CSMD1: variants seen among roughly 807,000 people sequenced by gnomAD.
CSMD1 encodes CUB and sushi domain-containing protein 1.
In CSMD1, 213 loss-of-function variants were observed where a neutral mutation model predicts 417.5. The observed-to-expected ratio is 0.51, with a 90% CI of 0.46 to 0.57. The LOEUF is 0.57. CSMD1 is among the 20% of genes least tolerant of loss of function. CSMD1 has a pLI of 0.00. For synonymous variants in CSMD1, 2,862 were observed against 1,736.8 expected (o/e 1.65, Z -16.11); for missense variants, 6,923 against 4,529.7 (o/e 1.53, Z -15.17).
intron 18 of CSMD1, among the ~76,000 whole-genome samples, chr8:3,370,202 T>A (rs1809860133): frequency 6.6e-6 from 1 of 152,206 alleles, no homozygotes; most frequent in South Asian, 2.1e-4. Flanking sequence ...AGGAGAATAT[T>A]GACACGTTCC....
chr8:4,296,418 C>T (rs920880041), intron 3 of CSMD1, among the ~76,000 whole-genome samples: 3 of 152,088 alleles, frequency 2.0e-5, no homozygotes, highest in Admixed American at 6.5e-5. Context: ...AGGGTTATCA[C>T]AAGAGTGTGA....
chr8:4,785,762 C>T (rs1797369878), intron 1 of CSMD1, among the ~76,000 whole-genome samples: 1 of 152,154 alleles, frequency 6.6e-6, no homozygotes, highest in Non-Finnish European at 1.5e-5. Flanking sequence ...AATAATAGTA[C>T]TTTTATTCTC....
intron 49 of CSMD1, among the ~76,000 whole-genome samples, chr8:3,065,111 G>A (rs1812835820): frequency 6.6e-6 from 1 of 151,884 alleles, no homozygotes; most frequent in African/African-American, 2.4e-5. Flanking sequence ...ATCTAAAGAA[G>A]AAATAAACCT....
At chr8:4,378,101 C>T (rs1802870824) in intron 3 of CSMD1, among the ~76,000 whole-genome samples, 2 of 152,210 alleles carry the variant, frequency 1.3e-5, no homozygotes, top group African/African-American at 2.4e-5. Context: ...ATGCAAAACA[C>T]AGAAGCCAAA....
At chr8:3,854,255 A>G (rs916640411) in intron 5 of CSMD1, among the ~76,000 whole-genome samples, 4 of 151,080 alleles carry the variant, frequency 2.6e-5, no homozygotes, top group Non-Finnish European at 5.9e-5. Context: ...GGAGTAATAC[A>G]TTTAACTCCA....
At chr8:4,057,204 G>C (rs905113047) in intron 3 of CSMD1, among the ~76,000 whole-genome samples, 1 of 152,114 alleles carries the variant, frequency 6.6e-6, no homozygotes, top group South Asian at 2.1e-4. Flanking sequence ...GTTGTTTCCT[G>C]ACTTTTTAAT....
Position 3,633,228 on chromosome 8 carries a change from A to G in CSMD1, c.1010-16431T>C, listed in dbSNP as rs540262032. ...AAATAAAACATAACTTAAAATGTCT[A>G]CATTGGATATAACATAAATTACTCT... is the stretch of plus-strand genomic sequence containing the variant. On this transcript the variant is annotated intron_variant, in intron 7 of 69. Transcript: ENST00000635120. 1.3e-4 allele frequency among the ~76,000 whole-genome samples: 20 copies of G among 152,370 alleles called. No homozygotes were observed. The East Asian group carries it at 3.7e-3, about 28-fold the overall frequency.
intron 2 of CSMD1, among the ~76,000 whole-genome samples, chr8:4,454,740 T>C (rs1007265922): frequency 6.6e-6 from 1 of 152,166 alleles, no homozygotes; most frequent in Non-Finnish European, 1.5e-5. Flanking sequence ...AAAACTATAC[T>C]CGTTTAGAAA....
intron 12 of CSMD1, among the ~76,000 whole-genome samples, chr8:3,460,295 G>C (rs563817030): frequency 6.6e-6 from 1 of 152,022 alleles, no homozygotes; most frequent in African/African-American, 2.4e-5. Flanking sequence ...GTAAAAGAGA[G>C]GAAAAAAGGA....
chr8:4,245,355 A>G (rs1632347), intron 3 of CSMD1, among the ~76,000 whole-genome samples: 113,896 of 152,084 alleles, frequency 0.75, 46,744 homozygotes, highest in Non-Finnish European at 0.92. Context: ...GGTGGGAGGA[A>G]AGATTGCAAG....
chr8:3,315,175 G>A (rs931066680), intron 23 of CSMD1, among the ~76,000 whole-genome samples: 2 of 152,154 alleles, frequency 1.3e-5, no homozygotes, highest in African/African-American at 4.8e-5. Flanking sequence ...AAAAGGGACA[G>A]TGTTTTCACA....
At chr8:4,803,944 A>C (rs528106105) in intron 1 of CSMD1, among the ~76,000 whole-genome samples, 1 of 152,334 alleles carries the variant, frequency 6.6e-6, no homozygotes, top group African/African-American at 2.4e-5. Context: ...ATGGGCATTC[A>C]TGCAAGACAA....
chr8:4,746,292 C>T (rs1163401853), intron 1 of CSMD1, among the ~76,000 whole-genome samples: 1 of 152,158 alleles, frequency 6.6e-6, no homozygotes, highest in Non-Finnish European at 1.5e-5. Context: ...GAGCCTGGTG[C>T]CCTTTTTGAA....
intron 3 of CSMD1, among the ~76,000 whole-genome samples, chr8:4,104,353 T>C (rs1801456339): frequency 6.6e-6 from 1 of 152,164 alleles, no homozygotes; most frequent in African/African-American, 2.4e-5. Context: ...GCATTAAGAC[T>C]GCACACTGTG....
At chr8:4,292,254 T>C (rs1361567901) in intron 3 of CSMD1, among the ~76,000 whole-genome samples, 1 of 152,038 alleles carries the variant, frequency 6.6e-6, no homozygotes, top group Non-Finnish European at 1.5e-5. Context: ...GTTGTTGTTG[T>C]TGTTTAGTTT....
intron 2 of CSMD1, among the ~76,000 whole-genome samples, chr8:4,591,451 C>A (rs1019556574): frequency 6.6e-6 from 1 of 152,262 alleles, no homozygotes; most frequent in South Asian, 2.1e-4. Context: ...AGCTGTTGAG[C>A]AAAAGCAAAT....
intron 2 of CSMD1, among the ~76,000 whole-genome samples, chr8:4,544,408 A>G (rs1234964442): frequency 6.6e-6 from 1 of 152,096 alleles, no homozygotes; most frequent in Non-Finnish European, 1.5e-5. Flanking sequence ...ATTAATAAAA[A>G]TTACAGTAGT....
intron 3 of CSMD1, among the ~76,000 whole-genome samples, chr8:4,164,532 A>G (rs572108489): frequency 5.9e-5 from 9 of 152,220 alleles, no homozygotes; most frequent in Non-Finnish European, 1.0e-4. Flanking sequence ...GTAAATCTAG[A>G]TATAAGCTGT....
intron 5 of CSMD1, among the ~76,000 whole-genome samples, chr8:3,940,476 G>C (rs549093446): frequency 2.0e-5 from 3 of 149,968 alleles, no homozygotes; most frequent in African/African-American, 7.4e-5. Context: ...AGTATATTCA[G>C]TAAAATTTAA....
Sources: allele counts gnomAD v4.1 joint callset (sites outside exome capture counted in the v4.1 genomes callset), GRCh38; gene constraint gnomAD v4.1.1; transcripts MANE v1.5; gene names NCBI Gene and HGNC (gene_info 2026-07-23, HGNC 2026-07-21).